ALK: variants seen among roughly 807,000 people sequenced by gnomAD.
ALK encodes the protein ALK receptor tyrosine kinase.
Under a neutral mutation model 163.1 loss-of-function variants are expected in ALK, and 74 were observed. That is an observed-to-expected ratio of 0.45 (90% confidence interval 0.38 to 0.55). The LOEUF (loss-of-function observed/expected upper bound fraction) is 0.55. Ranked by LOEUF, ALK falls within the 20% of genes least tolerant of loss-of-function variation. ALK has a pLI of 0.00. For synonymous variants in ALK, 960 were observed against 843.2 expected, an observed-to-expected ratio of 1.14 and a Z score of -2.40; for missense variants, 2,063 against 2,105.3, an observed-to-expected ratio of 0.98 and a Z score of 0.39.
intron 1 of ALK, among the ~76,000 whole-genome samples, chr2:29,906,001 T>C (rs1371520850): frequency 6.6e-6 from 1 of 152,188 alleles, no homozygotes; most frequent in Non-Finnish European, 1.5e-5. Context: ...CTGCCTGCAG[T>C]TCTGCCCATG....
intron 1 of ALK, among the ~76,000 whole-genome samples, chr2:29,756,584 A>T (rs1419485367): frequency 6.9e-6 from 1 of 145,362 alleles, no homozygotes; most frequent in East Asian, 2.0e-4. Flanking sequence ...CCAGGCTGGC[A>T]TGCAGTGGCA....
At chr2:29,903,626 A>C (rs1667471254) in intron 1 of ALK, among the ~76,000 whole-genome samples, 2 of 152,216 alleles carry the variant, frequency 1.3e-5, no homozygotes, top group African/African-American at 4.8e-5. Context: ...TTGGAACAGA[A>C]AACCATAACA....
intron 4 of ALK, among the ~76,000 whole-genome samples, chr2:29,512,212 C>G (rs1306325245): frequency 6.6e-6 from 1 of 151,976 alleles, no homozygotes; most frequent in Non-Finnish European, 1.5e-5. Context: ...AGGTCTAGAC[C>G]AATATCCTTG....
chr2:29,317,702 A>C (rs910755084), intron 8 of ALK, among the ~76,000 whole-genome samples: 10 of 152,316 alleles, frequency 6.6e-5, no homozygotes, highest in African/African-American at 2.4e-4. Context: ...TTGGACTCAG[A>C]AATTTGATTC....
At chr2:29,896,253 A>G (rs6722397) in intron 1 of ALK, among the ~76,000 whole-genome samples, 113,665 of 151,758 alleles carry the variant, frequency 0.75, 42,690 homozygotes, top group East Asian at 0.78. Context: ...ACATTTGCCA[A>G]GATGAAGAAG....
intron 8 of ALK, among the ~76,000 whole-genome samples, chr2:29,308,898 G>GT (rs1388626802): frequency 6.8e-6 from 1 of 146,114 alleles, no homozygotes; most frequent in Non-Finnish European, 1.5e-5. Context: ...GTTTCTGTCT[G>GT]GTTTTTTTTT....
intron 11 of ALK, among the ~76,000 whole-genome samples, chr2:29,263,364 A>G (rs181280377): frequency 1.6e-4 from 25 of 152,286 alleles, no homozygotes; most frequent in Admixed American, 3.3e-4. Flanking sequence ...GTTTGGTTCT[A>G]ACTCATGATG....
At chr2:29,385,209 A>AT (rs1669004182) in intron 4 of ALK, among the ~76,000 whole-genome samples, 1 of 151,956 alleles carries the variant, frequency 6.6e-6, no homozygotes, top group South Asian at 2.1e-4. Flanking sequence ...CATTAAATAA[A>AT]TTTTTTTAAA....
intron 19 of ALK, 100 bp downstream of exon 19, chr2:29,225,361 C>A (rs2148176038): frequency 9.1e-7 from 1 of 1,101,828 alleles, no homozygotes; most frequent in Admixed American, 2.0e-5. Flanking sequence ...CAGGGACTAG[C>A]ATAACGAAGT....
chr2:29,881,559 C>T (rs553237447), intron 1 of ALK, among the ~76,000 whole-genome samples: 1 of 152,280 alleles, frequency 6.6e-6, no homozygotes, highest in African/African-American at 2.4e-5. Context: ...CCAGCTTGTC[C>T]AGACACAACA....
At chr2:29,387,187 A>G (rs563154946) in intron 4 of ALK, among the ~76,000 whole-genome samples, 4 of 152,230 alleles carry the variant, frequency 2.6e-5, no homozygotes, top group East Asian at 1.9e-4. Flanking sequence ...ACAATCCATT[A>G]TCTTCCCTGT....
chr2:29,475,731 C>G (rs1319550202), intron 4 of ALK, among the ~76,000 whole-genome samples: 1 of 152,200 alleles, frequency 6.6e-6, no homozygotes, highest in African/African-American at 2.4e-5. Flanking sequence ...AAATTTAAGA[C>G]AGCCTAGAGC....
chr2:29,893,118 C>G (rs1163435862), intron 1 of ALK, among the ~76,000 whole-genome samples: 1 of 152,146 alleles, frequency 6.6e-6, no homozygotes, highest in Admixed American at 6.5e-5. Flanking sequence ...TGCCTGACAG[C>G]TTTAGGGATT....
At chr2:29,681,578 A>C (rs1366919205) in intron 3 of ALK, among the ~76,000 whole-genome samples, 2 of 152,150 alleles carry the variant, frequency 1.3e-5, no homozygotes, top group African/African-American at 4.8e-5. Context: ...GCATATACAC[A>C]ACCGTAGGAT....
At chr2:29,395,799 T>C (rs1669289207) in intron 4 of ALK, among the ~76,000 whole-genome samples, 1 of 152,118 alleles carries the variant, frequency 6.6e-6, no homozygotes, top group South Asian at 2.1e-4. Flanking sequence ...CCAAGAAGAA[T>C]CCAACAGCCA....
At chr2:29,431,287 T>C (rs1670266328) in intron 4 of ALK, among the ~76,000 whole-genome samples, 1 of 152,134 alleles carries the variant, frequency 6.6e-6, no homozygotes, top group South Asian at 2.1e-4. Context: ...CCAAGAGTCA[T>C]TAATGTTAAT....
intron 4 of ALK, among the ~76,000 whole-genome samples, chr2:29,513,610 C>T (rs1672581595): frequency 2.0e-5 from 3 of 152,060 alleles, no homozygotes; most frequent in Middle Eastern, 6.8e-3. Context: ...ATGTCTAAAA[C>T]ACCAAAAGCA....
chr2:29,522,712 C>A (rs556813579), intron 4 of ALK, among the ~76,000 whole-genome samples: 2 of 152,152 alleles, frequency 1.3e-5, no homozygotes, highest in Non-Finnish European at 2.9e-5. Context: ...CCACAAAGAA[C>A]CCCCACCCCA....
At chr2:29,339,242 C>CAA (rs35376835) in intron 5 of ALK, among the ~76,000 whole-genome samples, 28,571 of 134,872 alleles carry the variant, frequency 0.21, 3,130 homozygotes, top group Middle Eastern at 0.31. Context: ...GACTCTATCT[C>CAA]AAAAAAAAAA....
Sources: allele counts gnomAD v4.1 joint callset (sites outside exome capture counted in the v4.1 genomes callset), GRCh38; gene constraint gnomAD v4.1.1; transcripts MANE v1.5; gene names NCBI Gene and HGNC (gene_info 2026-07-23, HGNC 2026-07-21).